The following DDX4 variants were observed in gnomAD, a reference collection of about 807,000 sequenced individuals.
The protein encoded by DDX4 is DEAD-box helicase 4.
Under a neutral mutation model 100.0 loss-of-function variants are expected in DDX4, and 25 were observed. The ratio of observed to expected loss-of-function variants is 0.25; its 90% confidence interval spans 0.18 to 0.35. The LOEUF is 0.35. Ranked by LOEUF, DDX4 falls within the 10% of genes least tolerant of loss-of-function variation. The pLI, the probability that DDX4 is intolerant of heterozygous loss-of-function variation, is 1.00. For missense variants in DDX4, 635 were observed against 882.4 expected (o/e 0.72, Z 3.55); for synonymous variants, 259 against 275.7 (o/e 0.94, Z 0.60).
intron 2 of DDX4, among the ~76,000 whole-genome samples, chr5:55,740,084 A>G (rs777646046): frequency 2.5e-4 from 38 of 152,148 alleles, no homozygotes; most frequent in Non-Finnish European, 4.0e-4. Flanking sequence ...TTTTGGGAAA[A>G]GTGGAGAAAG....
chr5:55,778,809 G>A (rs528154988), intron 7 of DDX4, among the ~76,000 whole-genome samples: 7 of 151,940 alleles, frequency 4.6e-5, no homozygotes, highest in East Asian at 1.9e-4. Context: ...CAGGAGAATC[G>A]CTTGGACTCT....
At chr5:55,749,468 A>G (rs1759421890) in intron 3 of DDX4, among the ~76,000 whole-genome samples, 1 of 152,046 alleles carries the variant, frequency 6.6e-6, no homozygotes, top group Non-Finnish European at 1.5e-5. Flanking sequence ...CCTGCCTTGT[A>G]TTTGAGGGTG....
At chr5:55,784,906 C>T in intron 10 of DDX4, among the ~76,000 whole-genome samples, 1 of 152,172 alleles carries the variant, frequency 6.6e-6, no homozygotes, top group East Asian at 1.9e-4. Context: ...GCTGATAGTA[C>T]TCCCTATTTT....
chr5:55,785,895 A>G, intron 13 of DDX4, 24 bp downstream of exon 13: 1 of 1,557,104 alleles, frequency 6.4e-7, no homozygotes, highest in Non-Finnish European at 8.9e-7. Flanking sequence ...TTGTTTCTGT[A>G]TTAGCTATGT....
intron 5 of DDX4, among the ~76,000 whole-genome samples, chr5:55,763,800 T>C (rs963187205): frequency 9.9e-5 from 15 of 152,150 alleles, no homozygotes; most frequent in Admixed American, 4.6e-4. Flanking sequence ...CAGAATTGGC[T>C]GAAAAGAAAG....
chr5:55,747,445 T>C (rs1006863216), intron 3 of DDX4, among the ~76,000 whole-genome samples: 4 of 152,166 alleles, frequency 2.6e-5, no homozygotes, highest in African/African-American at 9.7e-5. Flanking sequence ...TCCTAACTAC[T>C]TGGCAGGTTG....
chr5:55,816,434 C>CTTTT (rs71602915), intron 21 of DDX4, 29 bp from the exon 22 acceptor site: 24 of 1,441,858 alleles, frequency 1.7e-5, no homozygotes, highest in African/African-American at 1.0e-4. Flanking sequence ...TTGTTTGTTT[C>CTTTT]TTTTTTTTTT....
intron 10 of DDX4, among the ~76,000 whole-genome samples, chr5:55,783,844 T>G (rs951441429): frequency 2.0e-5 from 3 of 151,990 alleles, no homozygotes; most frequent in South Asian, 4.1e-4. Context: ...TAAAGTTTTT[T>G]TTTTTTTTTT....
chr5:55,808,230 T>A (rs1168626961), intron 18 of DDX4, among the ~76,000 whole-genome samples: 1 of 152,188 alleles, frequency 6.6e-6, no homozygotes, highest in African/African-American at 2.4e-5. Flanking sequence ...TAATTTTTTT[T>A]CAAGGTTTTT....
At chr5:55,772,782 G>A (rs1292457385) in intron 7 of DDX4, among the ~76,000 whole-genome samples, 2 of 152,142 alleles carry the variant, frequency 1.3e-5, no homozygotes, top group African/African-American at 2.4e-5. Context: ...TCAGCCATGG[G>A]TGGAAGCAGC....
intron 21 of DDX4, among the ~76,000 whole-genome samples, chr5:55,815,960 AT>A (rs1479145975): frequency 3.1e-4 from 24 of 77,266 alleles, no homozygotes; most frequent in Non-Finnish European, 5.6e-4. Context: ...TTTTTTTTGT[AT>A]TTTTAATAGA....
intron 17 of DDX4, among the ~76,000 whole-genome samples, chr5:55,796,819 C>CTTTCTTTTTTTTTTTTTTTTTT (rs1742978750): frequency 3.2e-5 from 2 of 63,454 alleles, no homozygotes; most frequent in African/African-American, 4.9e-5. Flanking sequence ...TTTTTTCTTT[C>CTTTCTTTTTTTTTTTTTTTTTT]TTTCTTTTTT....
At chr5:55,759,690 A>C (rs1760182743) in intron 3 of DDX4, among the ~76,000 whole-genome samples, 1 of 152,150 alleles carries the variant, frequency 6.6e-6, no homozygotes, top group African/African-American at 2.4e-5. Context: ...TGCTTATAAA[A>C]ATTTTTTTAT....
chr5:55,787,757 C>G, intron 14 of DDX4, 89 bp from the exon 15 acceptor site: 1 of 1,400,460 alleles, frequency 7.1e-7, no homozygotes, highest in Non-Finnish European at 9.5e-7. Flanking sequence ...GAAGTAGAGT[C>G]TAAAGGCTAT....
intron 17 of DDX4, among the ~76,000 whole-genome samples, chr5:55,793,713 A>G (rs770921810): frequency 2.0e-5 from 3 of 152,210 alleles, no homozygotes; most frequent in Non-Finnish European, 2.9e-5. Context: ...CATGCACCAT[A>G]TATGGATATT....
intron 6 of DDX4, 132 bp downstream of exon 6, chr5:55,764,196 C>G: frequency 1.5e-6 from 1 of 665,824 alleles, no homozygotes; most frequent in South Asian, 1.9e-5. Flanking sequence ...GTAGCTATAT[C>G]CAAAGCCTTA....
intron 15 of DDX4, among the ~76,000 whole-genome samples, chr5:55,790,138 CTTTTTT>C (rs35365600): frequency 9.8e-6 from 1 of 102,028 alleles, no homozygotes; most frequent in East Asian, 3.6e-4. Context: ...AAAATATCAC[CTTTTTT>C]TTTTTTTTTT....
At chr5:55,811,483 G>A (rs1744120358) in intron 18 of DDX4, among the ~76,000 whole-genome samples, 1 of 151,956 alleles carries the variant, frequency 6.6e-6, no homozygotes, top group African/African-American at 2.4e-5. Context: ...TTTTAATATG[G>A]TAAATATCAA....
chr5:55,792,123 CAAAAAA>C (rs35635463), intron 16 of DDX4, among the ~76,000 whole-genome samples: 612 of 52,076 alleles, frequency 0.012, 8 homozygotes, highest in African/African-American at 0.038. Context: ...GACTCCTTCT[CAAAAAA>C]AAAAAAAAAA....
Sources: allele counts gnomAD v4.1 joint callset (sites outside exome capture counted in the v4.1 genomes callset), GRCh38; gene constraint gnomAD v4.1.1; transcripts MANE v1.5; gene names NCBI Gene and HGNC (gene_info 2026-07-23, HGNC 2026-07-21).